DCTN2: variants seen among roughly 807,000 people sequenced by gnomAD.
DCTN2 encodes the protein 50 kDa dynein-associated polypeptide.
Under a neutral mutation model 55.4 loss-of-function variants are expected in DCTN2, and 18 were observed. The observed-to-expected ratio is 0.32, with a 90% CI of 0.22 to 0.48. The LOEUF (loss-of-function observed/expected upper bound fraction) is 0.48. Among genes scored for constraint, DCTN2 ranks in the 20% least tolerant of loss-of-function variants. The pLI is 0.99. For synonymous variants in DCTN2, 168 were observed against 185.2 expected (o/e 0.91, Z 0.76); for missense variants, 390 against 491.0 (o/e 0.79, Z 1.94).
intron 2 of DCTN2, among the ~76,000 whole-genome samples, chr12:57,540,383 C>A (rs1455425936): frequency 6.6e-6 from 1 of 152,186 alleles, no homozygotes; most frequent in East Asian, 1.9e-4. Context: ...CCAGGTCTGT[C>A]CTATGGGTGG....
rs770920852 is a variant in DCTN2 at position 57,532,809 on chromosome 12, T to C, written c.776A>G (p.Glu259Gly). Residue 259 changes from glutamate to glycine, a missense_variant and splice_region_variant, in exon 10 of 14, where the codon GAG becomes GGG. By Grantham distance (98) the Glu-to-Gly change is moderately conservative. Transcript: ENST00000548249. Reference protein sequence around the residue: ...SAGLQGACLMETVELLQAKVS... With the variant: ...SAGLQGACLMGTVELLQAKVS... ...CTTTGCTTGCAACAGCTCTACAGTC[T>C]CCTGGGGATGGAAGTTGGGACAAGC... The C allele has an allele frequency of 6.2e-7, 1 of 1,613,896 alleles. No homozygotes were observed.
chr12:57,539,872 C>T (rs1880551712), intron 2 of DCTN2, among the ~76,000 whole-genome samples: 2 of 151,936 alleles, frequency 1.3e-5, no homozygotes, highest in East Asian at 1.9e-4. Flanking sequence ...ACTAAAAATA[C>T]AAAATTAGCC....
At chr12:57,536,425 G>T (rs889253588) in intron 2 of DCTN2, among the ~76,000 whole-genome samples, 1 of 152,218 alleles carries the variant, frequency 6.6e-6, no homozygotes, top group Non-Finnish European at 1.5e-5. Flanking sequence ...CTGCCATGAG[G>T]CCAGCGAACT....
At chr12:57,543,145 C>G (rs569246841) in intron 2 of DCTN2, 34 of 407,300 alleles carry the variant, frequency 8.3e-5, no homozygotes, top group African/African-American at 6.4e-4. Flanking sequence ...GTCAGGAGAT[C>G]GAGACCATCC....
chr12:57,535,871 G>A (rs1207369412), intron 2 of DCTN2, 26 bp from the exon 3 acceptor site: 1 of 1,568,924 alleles, frequency 6.4e-7, no homozygotes, highest in East Asian at 2.3e-5. Context: ...GTTTAGGCCA[G>A]GGACACACTC....
intron 2 of DCTN2, chr12:57,540,197 C>T (rs919194972): frequency 2.2e-6 from 2 of 907,690 alleles, no homozygotes; most frequent in African/African-American, 3.6e-5. Context: ...CACACTATAC[C>T]TTTCTCTGAT....
At chr12:57,545,134 A>G (rs1477540545) in intron 2 of DCTN2, among the ~76,000 whole-genome samples, 2 of 152,238 alleles carry the variant, frequency 1.3e-5, no homozygotes, top group Non-Finnish European at 2.9e-5. Context: ...CTGAGCCTGC[A>G]TATTGCAATG....
rs111828051 is a variant in DCTN2, at chr12:57,538,311, C to T, written c.106-2466G>A. ...CTGTGGCCCGGGAGCACACTCTAGT[C>T]CTCCAGTAGCACCTACTCCAGCAGT... On this transcript the variant is annotated intron_variant, in intron 2 of 13. Transcript: ENST00000548249. 6,104 of 635,956 alleles carry T rather than the reference C, an allele frequency of 9.6e-3. 55 individuals carry two copies. Among genetic ancestry groups the T allele is most frequent in the Non-Finnish European group, 0.011 (3,809 of 341,770 alleles). The allele number at this position is 635,956 out of a possible 1,614,324, so 39.4% of individuals were successfully genotyped here. A position where few individuals can be genotyped will look rare whatever the true frequency, so the allele number is the denominator to read the frequency against.
rs747702222 is a variant in DCTN2 at position 57,535,830 on chromosome 12, T to C, written c.121A>G (p.Thr41Ala). ...TTGACAATGATGTGTTCCACACTTG[T>C]GCTTGTCAGCTCCTCCTGCAAGAAC... is the stretch of plus-strand genomic sequence containing the variant. ...AEFDAEELTSTSVEHIIVNPN... is the reference protein window; with the variant it reads ...AEFDAEELTSASVEHIIVNPN... Residue 41 changes from threonine to alanine, a missense_variant, in exon 3 of 14, where the codon ACA becomes GCA. Physicochemically the swap from Thr to Ala is moderately conservative, Grantham distance 58 (BLOSUM62 0). Around this residue, in one of 2 missense-constraint regions of DCTN2, gnomAD observed 117 missense variants for 187.8 expected, o/e 0.62. Coordinates refer to ENST00000548249, the MANE Select transcript of DCTN2 (RefSeq NM_001261413.2). 6 of 1,613,510 alleles carry C rather than the reference T, an allele frequency of 3.7e-6. No individual in the cohort carries two copies. In the South Asian group the frequency reaches 5.5e-5, roughly 15 times the overall value.
At chr12:57,544,395 G>GT (rs11356561) in intron 2 of DCTN2, among the ~76,000 whole-genome samples, 1 of 145,600 alleles carries the variant, frequency 6.9e-6, no homozygotes, top group Non-Finnish European at 1.5e-5. Flanking sequence ...TTTAAATTTT[G>GT]TTTTTTTTTT....
chr12:57,541,335 T>C (rs779982774), intron 2 of DCTN2: 4 of 1,596,546 alleles, frequency 2.5e-6, no homozygotes, highest in Non-Finnish European at 3.4e-6. Context: ...GAAAAAAACA[T>C]GCAGAGAAGA....
intron 2 of DCTN2, among the ~76,000 whole-genome samples, chr12:57,543,528 C>T (rs1041222953): frequency 2.6e-5 from 4 of 152,138 alleles, no homozygotes; most frequent in Admixed American, 2.6e-4. Flanking sequence ...ATACAATTCA[C>T]TGCTCCTCAA....
At chr12:57,538,725 G>T (rs1794666277) in intron 2 of DCTN2, among the ~76,000 whole-genome samples, 1 of 152,160 alleles carries the variant, frequency 6.6e-6, no homozygotes, top group African/African-American at 2.4e-5. Context: ...TTTCAGCTGG[G>T]GTCACCATAT....
chr12:57,535,618 G>C, intron 3 of DCTN2, 73 bp from the exon 4 acceptor site: 1 of 1,563,168 alleles, frequency 6.4e-7, no homozygotes, highest in Non-Finnish European at 8.8e-7. Flanking sequence ...GTGACTGTGA[G>C]GGCTTCCATA....
At chr12:57,541,613 C>T (rs752559199) in intron 2 of DCTN2, among the ~76,000 whole-genome samples, 30 of 152,106 alleles carry the variant, frequency 2.0e-4, no homozygotes, top group African/African-American at 5.6e-4. Context: ...CCTTTTACTG[C>T]GGGTAGTTAT....
intron 13 of DCTN2, among the ~76,000 whole-genome samples, chr12:57,531,507 ACT>A (rs1386485930): frequency 3.3e-5 from 5 of 152,108 alleles, no homozygotes; most frequent in African/African-American, 7.2e-5. Context: ...ACAGAGCGAG[ACT>A]CTGTCTTAAA....
intron 7 of DCTN2, among the ~76,000 whole-genome samples, chr12:57,533,657 G>A (rs895968620): frequency 6.6e-6 from 1 of 151,940 alleles, no homozygotes; most frequent in Non-Finnish European, 1.5e-5. Flanking sequence ...TGTAGTCCCA[G>A]CTACTCAGGA....
intron 2 of DCTN2, among the ~76,000 whole-genome samples, chr12:57,537,831 C>G (rs566352472): frequency 2.0e-5 from 3 of 152,238 alleles, no homozygotes; most frequent in Admixed American, 6.5e-5. Context: ...GAACACCCAC[C>G]CATCTAATAG....
chr12:57,530,856 G>A (rs1879623207), intron 13 of DCTN2, 81 bp from the exon 14 acceptor site: 4 of 1,211,378 alleles, frequency 3.3e-6, no homozygotes, highest in African/African-American at 1.5e-5. Flanking sequence ...TTCTCTGAGA[G>A]AGAAGACAAG....
Sources: allele counts gnomAD v4.1 joint callset (sites outside exome capture counted in the v4.1 genomes callset), GRCh38; gene constraint gnomAD v4.1.1; regional missense constraint gnomAD v4.1.1; transcripts MANE v1.5; gene names NCBI Gene and HGNC (gene_info 2026-07-23, HGNC 2026-07-21).